BCAS3: variants seen among roughly 807,000 people sequenced by gnomAD.
BCAS3 encodes BCAS4/BCAS3 fusion.
In BCAS3, 53 loss-of-function variants were observed where a neutral mutation model predicts 116.1. That is an observed-to-expected ratio of 0.46 (90% CI 0.37 to 0.57). BCAS3 has a LOEUF of 0.57. Among genes scored for constraint, BCAS3 ranks in the 20% least tolerant of loss-of-function variants. The pLI is 0.00. For missense variants in BCAS3, 917 were observed against 1,165.4 expected (o/e 0.79, Z 3.10); for synonymous variants, 391 against 408.2 (o/e 0.96, Z 0.51).
chr17:61,329,343 A>ATTATTTTTTTT (rs1555831750), intron 22 of BCAS3, among the ~76,000 whole-genome samples: 6 of 131,294 alleles, frequency 4.6e-5, no homozygotes, highest in African/African-American at 1.8e-4. Context: ...TATTATTATT[A>ATTATTTTTTTT]TTTTTTTTTT....
intron 22 of BCAS3, among the ~76,000 whole-genome samples, chr17:61,322,794 C>CAGAGAGAGAGAG (rs35581770): frequency 4.6e-4 from 46 of 99,688 alleles, no homozygotes; most frequent in African/African-American, 1.7e-3. Context: ...GAGAGAGAGA[C>CAGAGAGAGAGAG]AGAGAGAGAG....
chr17:60,860,775 A>G (rs567892599), intron 7 of BCAS3, among the ~76,000 whole-genome samples: 1 of 152,068 alleles, frequency 6.6e-6, no homozygotes, highest in Non-Finnish European at 1.5e-5. Context: ...GTTATCATCA[A>G]CTTTGTCAAA....
At chr17:60,682,367 G>C (rs2033290402) in intron 2 of BCAS3, among the ~76,000 whole-genome samples, 1 of 152,156 alleles carries the variant, frequency 6.6e-6, no homozygotes, top group Admixed American at 6.5e-5. Context: ...AATGAGGTTG[G>C]AGAGGTAGCC....
In BCAS3 at chr17:60,771,568, A is replaced by G. The variant is rs191266706; in HGVS notation, c.403+24289A>G. Among the ~76,000 whole-genome samples the G allele has an allele frequency of 6.1e-3, 921 of 151,536 alleles. 4 individuals are homozygous for G. The highest frequency in any genetic ancestry group is 0.021 in the African/African-American group (873 of 41,160). On this transcript the variant is annotated intron_variant, in intron 6 of 23. Coordinates refer to ENST00000407086, the MANE Select transcript of BCAS3 (RefSeq NM_017679.5). ...TGACGGGTATCTTTTTTTTTTAATTATACTTTAAATTCTAGGGTATATGTG... is the reference window on the plus strand; with the variant it reads ...TGACGGGTATCTTTTTTTTTTAATTGTACTTTAAATTCTAGGGTATATGTG...
At chr17:61,103,666 A>C (rs1425321918) in intron 22 of BCAS3, among the ~76,000 whole-genome samples, 1 of 152,122 alleles carries the variant, frequency 6.6e-6, no homozygotes, top group Admixed American at 6.6e-5. Flanking sequence ...TTTTCACTCC[A>C]TCTTACTCTG....
chr17:61,317,512 T>C (rs2054844850), intron 22 of BCAS3, among the ~76,000 whole-genome samples: 2 of 152,060 alleles, frequency 1.3e-5, no homozygotes, highest in African/African-American at 4.8e-5. Flanking sequence ...ACCAGGAAAA[T>C]GCAGCTCATG....
chr17:61,341,117 G>A (rs540302627), intron 22 of BCAS3, among the ~76,000 whole-genome samples: 3 of 152,304 alleles, frequency 2.0e-5, no homozygotes, highest in South Asian at 2.1e-4. Flanking sequence ...AGCTGGAATC[G>A]TTAAGGAATA....
At chr17:60,823,491 G>T (rs2050129584) in intron 7 of BCAS3, among the ~76,000 whole-genome samples, 1 of 152,144 alleles carries the variant, frequency 6.6e-6, no homozygotes, top group Non-Finnish European at 1.5e-5. Context: ...TTGAGCCCAG[G>T]AGTTCAAGGC....
Position 61,197,470 on chromosome 17 carries a change from T to C in BCAS3, c.2425+112906T>C, listed in dbSNP as rs1250718283. On this transcript the variant is annotated intron_variant, in intron 22 of 23. Coordinates refer to ENST00000407086, the MANE Select transcript of BCAS3 (RefSeq NM_017679.5). ...ATTGAGGCATTGTCTTAGAGAATCT[T>C]CTGCTTTGACATAGAAGTTAGGTAA... is the stretch of plus-strand genomic sequence containing the variant. Among the ~76,000 whole-genome samples, 3 of 152,248 alleles carry C rather than the reference T, an allele frequency of 2.0e-5. No individual in the cohort carries two copies. In the East Asian group the frequency reaches 5.8e-4, roughly 29 times the overall value.
Position 61,083,157 on chromosome 17 carries a change from T to TA in BCAS3, c.2328-1309dup. 6.6e-6 allele frequency among the ~76,000 whole-genome samples: 1 copy of TA among 152,194 alleles called. No homozygotes were observed. Among genetic ancestry groups the TA allele is most frequent in the East Asian group, 1.9e-4 (1 of 5,196 alleles). Reference sequence around the variant, plus strand: ...CTTGCTCCTCTTCATTATGCGTATATACTATTACTATATACAGACCTAATC... The same window carrying TA: ...CTTGCTCCTCTTCATTATGCGTATATAACTATTACTATATACAGACCTAATC... On this transcript the variant is annotated intron_variant, in intron 21 of 23. Coordinates refer to ENST00000407086, the MANE Select transcript of BCAS3 (RefSeq NM_017679.5). This position sits in a 1 kb window ranked among gnomAD's most constrained non-coding sequence, Gnocchi z 4.9.
chr17:60,789,792 A>G (rs2046600691), intron 6 of BCAS3, among the ~76,000 whole-genome samples: 1 of 152,224 alleles, frequency 6.6e-6, no homozygotes, highest in Non-Finnish European at 1.5e-5. Context: ...AATGAAGAGT[A>G]CATGCTATTT....
intron 5 of BCAS3, among the ~76,000 whole-genome samples, chr17:60,711,114 A>G (rs2037865965): frequency 6.6e-6 from 1 of 150,670 alleles, no homozygotes; most frequent in South Asian, 2.1e-4. Flanking sequence ...TTCTATTCTT[A>G]TAATTATCAT....
intron 22 of BCAS3, among the ~76,000 whole-genome samples, chr17:61,319,318 G>T (rs1323543783): frequency 6.6e-6 from 1 of 152,116 alleles, no homozygotes; most frequent in Non-Finnish European, 1.5e-5. Flanking sequence ...TAATCTTGGT[G>T]ATATGACACC....
intron 6 of BCAS3, among the ~76,000 whole-genome samples, chr17:60,776,065 G>A (rs1481805103): frequency 6.6e-6 from 1 of 152,146 alleles, no homozygotes; most frequent in Non-Finnish European, 1.5e-5. Context: ...GCAAAGTTTT[G>A]AGTGAAGAAT....
Position 60,841,546 on chromosome 17 carries a change from A to ATTT in BCAS3, c.477-27013_477-27011dup, listed in dbSNP as rs754447784. On this transcript the variant is annotated intron_variant, in intron 7 of 23. Transcript: ENST00000407086. Reference sequence around the variant, plus strand: ...AGGTGCCCGCCACCACACCTGGCTAATTTTTTTTTTTTTTTTTTTGTATTT... The same window carrying ATTT: ...AGGTGCCCGCCACCACACCTGGCTAATTTTTTTTTTTTTTTTTTTTTTGTATTT... Among the ~76,000 whole-genome samples, 136 of 123,464 alleles carry ATTT rather than the reference A, an allele frequency of 1.1e-3. 1 individual carries two copies. The highest frequency in any genetic ancestry group is 6.5e-3 in the South Asian group (26 of 3,986). The allele number at this position is 123,464 out of a possible 152,430, so 81.0% of individuals were successfully genotyped here.
intron 5 of BCAS3, among the ~76,000 whole-genome samples, chr17:60,716,903 C>A (rs892581596): frequency 6.6e-6 from 1 of 152,096 alleles, no homozygotes; most frequent in African/African-American, 2.4e-5. Context: ...CTATTACATG[C>A]CAGACTGTGT....
At chr17:60,703,199 C>T (rs1410338186) in intron 4 of BCAS3, among the ~76,000 whole-genome samples, 2 of 151,932 alleles carry the variant, frequency 1.3e-5, no homozygotes, top group African/African-American at 2.4e-5. Context: ...CATTTGAACC[C>T]GGGAGGTGGA....
Position 61,224,205 on chromosome 17 carries a change from T to A in BCAS3, c.2425+139641T>A, listed in dbSNP as rs2082260631. 6.6e-6 allele frequency among the ~76,000 whole-genome samples: 1 copy of A among 152,234 alleles called. No individual in the cohort carries two copies. Among genetic ancestry groups the A allele is most frequent in the East Asian group, 1.9e-4 (1 of 5,204 alleles). On this transcript the variant is annotated intron_variant, in intron 22 of 23. Coordinates refer to ENST00000407086, the MANE Select transcript of BCAS3 (RefSeq NM_017679.5). This position sits in a 1 kb window ranked among gnomAD's most constrained non-coding sequence, Gnocchi z 5.7. ...TTTAAGCATCTATCATGTGCATCTC[T>A]GTACCATGGATGATGGGAAGATATA...
At chr17:61,357,261 TAAA>T (rs367608097) in intron 22 of BCAS3, among the ~76,000 whole-genome samples, 64,419 of 141,056 alleles carry the variant, frequency 0.46, 18,017 homozygotes, top group Non-Finnish European at 0.64. Context: ...AATAAATAAA[TAAA>T]TAAATTAATT....
Sources: allele counts gnomAD v4.1 joint callset (sites outside exome capture counted in the v4.1 genomes callset), GRCh38; gene constraint gnomAD v4.1.1; non-coding constraint Gnocchi (gnomAD v3.1); transcripts MANE v1.5; gene names NCBI Gene and HGNC (gene_info 2026-07-23, HGNC 2026-07-21).